SNX29: variants seen among roughly 807,000 people sequenced by gnomAD.
SNX29 encodes sorting nexin 29.
Under a neutral mutation model 102.1 loss-of-function variants are expected in SNX29, and 78 were observed. The ratio of observed to expected loss-of-function variants is 0.76; its 90% CI spans 0.64 to 0.92. The LOEUF is 0.92. Among genes scored for constraint, SNX29 ranks in the 40% least tolerant of loss-of-function variants. SNX29 has a pLI of 0.00. For synonymous variants in SNX29, 580 were observed against 414.5 expected, an observed-to-expected ratio of 1.40 and a Z score of -4.85; for missense variants, 1,280 against 1,061.7, an observed-to-expected ratio of 1.21 and a Z score of -2.86.
intron 16 of SNX29, among the ~76,000 whole-genome samples, chr16:12,364,249 C>T (rs1000204359): frequency 5.3e-5 from 8 of 151,042 alleles, no homozygotes; most frequent in African/African-American, 1.9e-4. Context: ...CTATATTGCC[C>T]AGACTGGTTT....
At chr16:12,121,988 G>C (rs2053993472) in intron 11 of SNX29, among the ~76,000 whole-genome samples, 1 of 152,096 alleles carries the variant, frequency 6.6e-6, no homozygotes, top group South Asian at 2.1e-4. Flanking sequence ...GCTAATTTTT[G>C]TGTTTTTAGT....
intron 1 of SNX29, among the ~76,000 whole-genome samples, chr16:11,997,736 T>C (rs1181861609): frequency 3.3e-5 from 5 of 152,074 alleles, no homozygotes; most frequent in African/African-American, 9.7e-5. Context: ...GCCTCAGCCT[T>C]CCAAAGTGCT....
chr16:12,402,519 C>T (rs80109629), intron 17 of SNX29, among the ~76,000 whole-genome samples: 2 of 152,332 alleles, frequency 1.3e-5, no homozygotes, highest in African/African-American at 4.8e-5. Flanking sequence ...ATAATTATTA[C>T]AATTGATCTT....
chr16:12,263,171 A>G (rs1014777325), intron 14 of SNX29, among the ~76,000 whole-genome samples: 1 of 144,784 alleles, frequency 6.9e-6, no homozygotes, highest in African/African-American at 2.6e-5. Flanking sequence ...TCACTCTGTC[A>G]CCCAAGCTGG....
At chr16:12,526,781 C>T in intron 20 of SNX29, 1 of 425,824 alleles carries the variant, frequency 2.3e-6, no homozygotes, top group East Asian at 4.2e-5. Flanking sequence ...CAGTGTCCCC[C>T]ACCCCCTGCG....
Position 12,278,051 on chromosome 16 carries a change from G to T in SNX29, c.1782+15G>T, listed in dbSNP as rs372768905. ...AGCTCATCGAGGTAAGGCCGGTGGA[G>T]TCTGTGTGTCTTTGTTTCTGATGTT... is the stretch of plus-strand genomic sequence containing the variant. On this transcript the variant is annotated intron_variant, in intron 15 of 20. Coordinates refer to ENST00000566228, the MANE Select transcript of SNX29 (RefSeq NM_032167.5). The T allele has an allele frequency of 2.5e-6, 4 of 1,577,614 alleles. No homozygotes were observed. Among genetic ancestry groups the T allele is most frequent in the Non-Finnish European group, 3.4e-6 (4 of 1,160,736 alleles).
intron 1 of SNX29, among the ~76,000 whole-genome samples, chr16:11,994,870 G>A (rs1365983879): frequency 1.3e-5 from 2 of 152,220 alleles, no homozygotes; most frequent in Non-Finnish European, 1.5e-5. Flanking sequence ...TGTAGAGCTG[G>A]AAGGGCATGA....
At chr16:12,110,810 A>T (rs1045315866) in intron 11 of SNX29, among the ~76,000 whole-genome samples, 1 of 151,922 alleles carries the variant, frequency 6.6e-6, no homozygotes, top group Non-Finnish European at 1.5e-5. Flanking sequence ...TTAACAAAAA[A>T]TGGTGTTTTT....
At chr16:12,556,567 G>A (rs779594652) in intron 20 of SNX29, 2 of 152,274 alleles carry the variant, frequency 1.3e-5, no homozygotes, top group Non-Finnish European at 2.9e-5. Flanking sequence ...ATTTGATTCT[G>A]AACACAGTGG....
intron 20 of SNX29, among the ~76,000 whole-genome samples, chr16:12,525,067 A>T (rs2076741919): frequency 6.6e-6 from 1 of 152,058 alleles, no homozygotes; most frequent in South Asian, 2.1e-4. Flanking sequence ...AGCATTGTTG[A>T]CTTGAGGCTC....
At chr16:12,367,031 C>A (rs550249665) in intron 16 of SNX29, 1 of 152,262 alleles carries the variant, frequency 6.6e-6, no homozygotes, top group African/African-American at 2.4e-5. Context: ...AACTACAAAG[C>A]CTTTCCATCT....
rs1000708119 is a variant in SNX29 at position 12,571,069 on chromosome 16, C to G, written c.*2440C>G. ...TCTCACTCTAAAAATGCTGGTGGCC[C>G]GCACATGACAGCAACTCCCCGAAGC... On this transcript the variant is annotated 3_prime_UTR_variant, in exon 21 of 21. Transcript: ENST00000566228. The G allele has an allele frequency of 4.3e-6, 1 of 232,550 alleles. No homozygotes were observed. Among genetic ancestry groups the G allele is most frequent in the Admixed American group, 5.6e-5 (1 of 17,760 alleles). The allele number at this position is 232,550 out of a possible 1,614,324, so 14.4% of individuals were successfully genotyped here.
rs528457055 is a variant in SNX29, at chr16:12,565,313, C to T, written c.2319-3193C>T. Among the ~76,000 whole-genome samples, 25 of 152,304 alleles carry T rather than the reference C, an allele frequency of 1.6e-4. No homozygotes were observed. The South Asian group carries it at 4.1e-3, about 25-fold the overall frequency. On this transcript the variant is annotated intron_variant, in intron 20 of 20. Transcript: ENST00000566228. Reference sequence around the variant, plus strand: ...GCCACCAGCACTCTCCATTCAAGTCCACTGTGCTCAGCAGTCTGGGTTTTC... The same window carrying T: ...GCCACCAGCACTCTCCATTCAAGTCTACTGTGCTCAGCAGTCTGGGTTTTC...
At chr16:12,494,132 G>C (rs921921843) in intron 19 of SNX29, among the ~76,000 whole-genome samples, 8 of 152,116 alleles carry the variant, frequency 5.3e-5, no homozygotes, top group Non-Finnish European at 8.8e-5. Context: ...AAGATCCCTT[G>C]ATGCCCGGAG....
At chr16:12,395,461 G>C (rs763763176) in intron 16 of SNX29, among the ~76,000 whole-genome samples, 9 of 152,226 alleles carry the variant, frequency 5.9e-5, no homozygotes, top group Non-Finnish European at 1.3e-4. Flanking sequence ...GAGGGTGTTT[G>C]CTCCAGCATG....
chr16:12,199,722 C>T (rs746138299), intron 14 of SNX29, 39 bp downstream of exon 14: 2 of 1,573,290 alleles, frequency 1.3e-6, no homozygotes, highest in South Asian at 1.1e-5. Context: ...AGGGGCCGGG[C>T]TTTTCCATTA....
In SNX29 at chr16:12,403,452, A is replaced by C. The variant is rs2084041540; in HGVS notation, c.1960A>C (p.Asn654His). Residue 654 changes from asparagine (N) to histidine (H), a missense_variant, in exon 18 of 21, where the codon AAC (asparagine) becomes CAC (histidine). Transcript: ENST00000566228. ...DQSLSDFEIS[N>H]RALINVWIPS... ...CTCTCTCTTCCTTTTGGTTAGATCA[A>C]ACCGGGCGCTGATCAACGTCTGGAT... 1.9e-6 allele frequency: 3 copies of C among 1,606,262 alleles called. No individual in the cohort carries two copies. The highest frequency in any genetic ancestry group is 2.6e-6 in the Non-Finnish European group (3 of 1,176,126).
chr16:12,386,226 T>A (rs9925099), intron 16 of SNX29, among the ~76,000 whole-genome samples: 1 of 152,208 alleles, frequency 6.6e-6, no homozygotes, highest in Non-Finnish European at 1.5e-5. Context: ...TGAAAGACTC[T>A]TCCTGGGGCC....
At chr16:12,518,764 G>C (rs1042759155) in intron 19 of SNX29, among the ~76,000 whole-genome samples, 4 of 152,146 alleles carry the variant, frequency 2.6e-5, no homozygotes, top group African/African-American at 9.7e-5. Flanking sequence ...CTGAGCCTGG[G>C]TTATCACCAA....
Sources: gnomAD v4.1 joint callset for allele counts (sites outside exome capture counted in the v4.1 genomes callset) on GRCh38, gnomAD v4.1.1 for gene constraint, MANE v1.5 for transcripts, NCBI Gene and HGNC (gene_info 2026-07-23, HGNC 2026-07-21) for gene names.